PLXNA4: variants seen among roughly 807,000 people sequenced by gnomAD.
PLXNA4 encodes the protein plexin A4, also known as plexin-A4.
In PLXNA4, 44 loss-of-function variants were observed where a neutral mutation model predicts 191.8. The ratio of observed to expected loss-of-function variants is 0.23; its 90% CI spans 0.18 to 0.29. The LOEUF (loss-of-function observed/expected upper bound fraction) is 0.29, where lower values mean the gene tolerates loss of function less well. Among genes scored for constraint, PLXNA4 ranks in the 10% least tolerant of loss-of-function variants. The probability of loss-of-function intolerance (pLI) is 1.00; values close to 1 mark genes in which losing one functional copy is unlikely to be tolerated. For missense variants in PLXNA4, 1,800 were observed against 2,488.8 expected, an observed-to-expected ratio of 0.72 and a Z score of 5.89; for synonymous variants, 1,082 against 1,009.5, an observed-to-expected ratio of 1.07 and a Z score of -1.36.
intron 1 of PLXNA4, among the ~76,000 whole-genome samples, chr7:132,544,733 C>G (rs1009458276): frequency 6.6e-6 from 1 of 152,210 alleles, no homozygotes; most frequent in African/African-American, 2.4e-5. Flanking sequence ...GCCTAGATGT[C>G]TGTCATGCAC....
chr7:132,508,611 C>A lies in PLXNA4; in HGVS notation c.83G>T (p.Arg28Leu). Residue 28 changes from arginine to leucine, a missense_variant, in exon 2 of 32, where the codon CGG (arginine) becomes CTG (leucine). By Grantham distance (102) the Arg-to-Leu change is moderately radical. Transcript: ENST00000321063. This position sits in a 1 kb window ranked among gnomAD's most constrained non-coding sequence, Gnocchi z 4.4. ...VGMGSSTLLT[R>L]QPAPLSQKQR... The stretch of plus-strand genomic sequence containing the variant: ...CTTCTGGGACAGCGGGGCTGGCTGC[C>A]GGGTGAGCAAAGTGGAGGAGCCCAT... 1 of 1,611,690 alleles carries A rather than the reference C, an allele frequency of 6.2e-7. No homozygotes were observed. The highest frequency in any genetic ancestry group is 1.1e-5 in the South Asian group (1 of 90,752).
intron 2 of PLXNA4, among the ~76,000 whole-genome samples, chr7:132,629,981 C>G (rs1803459918): frequency 6.6e-6 from 1 of 152,146 alleles, no homozygotes; most frequent in Non-Finnish European, 1.5e-5. Context: ...TCCCGAGTAG[C>G]TGGGACTACA....
chr7:132,153,663 G>A, intron 25 of PLXNA4, among the ~76,000 whole-genome samples: 1 of 152,162 alleles, frequency 6.6e-6, no homozygotes, highest in South Asian at 2.1e-4. Flanking sequence ...AGGCCAACCT[G>A]GAAGGAGATG....
intron 1 of PLXNA4, among the ~76,000 whole-genome samples, chr7:132,561,124 C>T (rs1330857174): frequency 3.3e-5 from 5 of 152,068 alleles, no homozygotes; most frequent in Non-Finnish European, 5.9e-5. Context: ...CCTTGCCCCA[C>T]TTCCCACCTC....
In PLXNA4 at chr7:132,190,771, G is replaced by A. The variant is rs1050733101; in HGVS notation, c.2857-3164C>T. 5.9e-5 allele frequency among the ~76,000 whole-genome samples: 9 copies of A among 152,272 alleles called. 2 individuals are homozygous for A. In the South Asian group the frequency reaches 1.5e-3, roughly 25 times the overall value. On this transcript the variant is annotated intron_variant, in intron 14 of 31. Transcript: ENST00000321063. Reference sequence around the variant, plus strand: ...TAGCCCTGTCCACTGTGTGCTCCAGGGTCCCTGCCAAGGACCACAGGATGG... The same window carrying A: ...TAGCCCTGTCCACTGTGTGCTCCAGAGTCCCTGCCAAGGACCACAGGATGG...
chr7:132,434,769 C>G (rs1795404435), intron 3 of PLXNA4, among the ~76,000 whole-genome samples: 1 of 152,194 alleles, frequency 6.6e-6, no homozygotes, highest in Admixed American at 6.5e-5. Flanking sequence ...TTGCTCTGAC[C>G]ACCTTCAGCT....
At chr7:132,552,068 T>G (rs1042295589) in intron 1 of PLXNA4, among the ~76,000 whole-genome samples, 5 of 152,182 alleles carry the variant, frequency 3.3e-5, no homozygotes, top group African/African-American at 1.2e-4. Flanking sequence ...ATGCTGCACA[T>G]GCAGCCAAGA....
chr7:132,167,516 T>G, intron 22 of PLXNA4, among the ~76,000 whole-genome samples: 1 of 152,094 alleles, frequency 6.6e-6, no homozygotes, highest in African/African-American at 2.4e-5. Flanking sequence ...GGGCCTGAAA[T>G]TCTGCATTTA....
chr7:132,224,465 TTACCTGTC>T (rs1344490933), intron 8 of PLXNA4, among the ~76,000 whole-genome samples: 14 of 152,142 alleles, frequency 9.2e-5, no homozygotes, highest in African/African-American at 1.4e-4. Flanking sequence ...TATCTCACCA[TTACCTGTC>T]CAGCTCCTCT....
intron 16 of PLXNA4, among the ~76,000 whole-genome samples, chr7:132,183,323 T>C (rs6951072): frequency 0.45 from 68,995 of 152,146 alleles, 16,020 homozygotes; most frequent in South Asian, 0.63. Context: ...CCATCTTCCC[T>C]GTCCTCTCAA....
rs186138893 is a variant in PLXNA4 at position 132,569,347 on chromosome 7, A to G, written c.-87+7075T>C. Among the ~76,000 whole-genome samples, 677 of 152,268 alleles carry G rather than the reference A, an allele frequency of 4.4e-3. 2 individuals carry two copies. The highest frequency in any genetic ancestry group is 0.015 in the African/African-American group (635 of 41,556). On this transcript the variant is annotated intron_variant, in intron 1 of 31. Coordinates refer to ENST00000321063, the MANE Select transcript of PLXNA4 (RefSeq NM_020911.2). ...TCCCCGGGATCTCACCCCTCAATAA[A>G]GTCATAACACATAGCTTCTTCCTTG...
At chr7:132,151,317 G>A (rs1385757610) in intron 25 of PLXNA4, among the ~76,000 whole-genome samples, 1,451 of 69,036 alleles carry the variant, frequency 0.021, 127 homozygotes, top group African/African-American at 0.069. Flanking sequence ...GAAGAAGGAG[G>A]AGGAGGAGGA....
intron 4 of PLXNA4, among the ~76,000 whole-genome samples, chr7:132,249,574 C>T (rs1799175790): frequency 6.6e-6 from 1 of 152,182 alleles, no homozygotes; most frequent in South Asian, 2.1e-4. Context: ...ATTAGCCAGA[C>T]CCCTTGCCAA....
chr7:132,241,074 C>T lies in PLXNA4; in HGVS notation c.1596G>A (p.Leu532=), dbSNP rs771154818. The T allele has an allele frequency of 5.0e-6, 8 of 1,610,972 alleles. No homozygotes were observed. The East Asian group carries it at 1.8e-4, about 36-fold the overall frequency. The change falls in exon 5 of 32, where the codon CTG becomes CTA. Residue 532 remains leucine (L), a synonymous_variant. Coordinates refer to ENST00000321063, the MANE Select transcript of PLXNA4 (RefSeq NM_020911.2). ...CTCCCCATGGTACTCACGTGTTGTGCAGCACACACCAGCCACAGTGGGGGT... is the reference window on the plus strand; with the variant it reads ...CTCCCCATGGTACTCACGTGTTGTGTAGCACACACCAGCCACAGTGGGGGT... ...SGDPHCGWCV[L]HNTCTRKERC...
intron 3 of PLXNA4, among the ~76,000 whole-genome samples, chr7:132,347,197 A>G (rs915256287): frequency 1.3e-5 from 2 of 152,188 alleles, no homozygotes; most frequent in African/African-American, 4.8e-5. Context: ...TCTCAGCTGA[A>G]TCCCTTCCCC....
chr7:132,375,581 G>C (rs911277970), intron 3 of PLXNA4, among the ~76,000 whole-genome samples: 6 of 152,196 alleles, frequency 3.9e-5, no homozygotes, highest in African/African-American at 1.2e-4. Context: ...CCACAGCACA[G>C]TGTGATCCAT....
chr7:132,548,785 T>G (rs904352497), intron 1 of PLXNA4, among the ~76,000 whole-genome samples: 1 of 152,128 alleles, frequency 6.6e-6, no homozygotes, highest in Non-Finnish European at 1.5e-5. Context: ...GGATGAGATA[T>G]GGGTTGGCAC....
rs143774079 is a variant in PLXNA4 at position 132,339,229 on chromosome 7, G to A, written c.1372-41007C>T. Among the ~76,000 whole-genome samples, 27 of 152,294 alleles carry A rather than the reference G, an allele frequency of 1.8e-4. No individual in the cohort carries two copies. The East Asian group carries it at 4.6e-3, about 26-fold the overall frequency. Reference sequence around the variant, plus strand: ...ACATCTGCAATCACAGAACCTTTGAGCCAGGCTAAATGTTAGAGATTTTTC... The same window carrying A: ...ACATCTGCAATCACAGAACCTTTGAACCAGGCTAAATGTTAGAGATTTTTC... On this transcript the variant is annotated intron_variant, in intron 3 of 31. Transcript: ENST00000321063.
intron 2 of PLXNA4, among the ~76,000 whole-genome samples, chr7:132,599,781 A>G (rs1802783070): frequency 6.6e-6 from 1 of 151,888 alleles, no homozygotes; most frequent in Admixed American, 6.6e-5. Context: ...TAAGGTAAAT[A>G]CGTCCAAATT....
Sources: gnomAD v4.1 joint callset for allele counts (sites outside exome capture counted in the v4.1 genomes callset) on GRCh38, gnomAD v4.1.1 for gene constraint, Gnocchi (gnomAD v3.1) non-coding constraint, MANE v1.5 for transcripts, NCBI Gene and HGNC (gene_info 2026-07-23, HGNC 2026-07-21) for gene names.